SGCZ: variants seen among roughly 807,000 people sequenced by gnomAD.
SGCZ encodes zeta-sarcoglycan.
SGCZ carries 40 observed loss-of-function variants against 41.3 expected under a neutral mutation model. That is an observed-to-expected ratio of 0.97 (90% CI 0.75 to 1.26). SGCZ has a LOEUF of 1.26. Ranked by LOEUF, SGCZ falls within the 50% of genes most tolerant of loss-of-function variation. The pLI is 0.00. For synonymous variants in SGCZ, 206 were observed against 137.5 expected, an observed-to-expected ratio of 1.50 and a Z score of -3.49; for missense variants, 552 against 369.8, an observed-to-expected ratio of 1.49 and a Z score of -4.04.
chr8:15,206,641 G>T (rs1801076891), intron 1 of SGCZ, among the ~76,000 whole-genome samples: 1 of 151,976 alleles, frequency 6.6e-6, no homozygotes, highest in African/African-American at 2.4e-5. Context: ...TAGAGACGGT[G>T]TTTCACCATC....
intron 2 of SGCZ, among the ~76,000 whole-genome samples, chr8:14,354,579 C>A (rs1345574718): frequency 6.6e-6 from 1 of 151,430 alleles, no homozygotes; most frequent in East Asian, 1.9e-4. Flanking sequence ...AAGACATAAA[C>A]ATAATACAAG....
chr8:14,667,769 C>T (rs769690761), intron 1 of SGCZ, among the ~76,000 whole-genome samples: 4 of 151,552 alleles, frequency 2.6e-5, no homozygotes, highest in South Asian at 2.1e-4. Context: ...ACATGGTCTC[C>T]GTAATCAAAG....
chr8:14,994,389 G>A (rs943108249), intron 1 of SGCZ, among the ~76,000 whole-genome samples: 1 of 152,096 alleles, frequency 6.6e-6, no homozygotes, highest in African/African-American at 2.4e-5. Context: ...TTCGAAACCA[G>A]CCTGGACAAC....
chr8:14,791,933 G>A (rs539045494), intron 1 of SGCZ, among the ~76,000 whole-genome samples: 2 of 152,186 alleles, frequency 1.3e-5, no homozygotes, highest in Non-Finnish European at 2.9e-5. Context: ...GCAAAGCACA[G>A]CTTCAAGCTC....
chr8:14,767,178 T>C lies in SGCZ; in HGVS notation c.40-212252A>G, dbSNP rs142195600. 3.2e-4 allele frequency among the ~76,000 whole-genome samples: 49 copies of C among 152,280 alleles called. No individual in the cohort carries two copies. The East Asian group carries it at 8.5e-3, about 26-fold the overall frequency. The stretch of plus-strand genomic sequence containing the variant: ...ATGTGATGATGAGATGTGGCAGAAA[T>C]GACATGGCACAAGGTCTATCTCCTA... On this transcript the variant is annotated intron_variant, in intron 1 of 7. Transcript: ENST00000382080.
At chr8:14,939,518 GTTAAA>G (rs1199074036) in intron 1 of SGCZ, among the ~76,000 whole-genome samples, 4 of 152,046 alleles carry the variant, frequency 2.6e-5, no homozygotes, top group African/African-American at 9.7e-5. Context: ...TATGAGGATG[GTTAAA>G]TTAAACAAAA....
intron 2 of SGCZ, among the ~76,000 whole-genome samples, chr8:14,541,519 G>T (rs139134763): frequency 7.2e-5 from 11 of 151,864 alleles, no homozygotes; most frequent in African/African-American, 1.5e-4. Flanking sequence ...AATATGTGCC[G>T]CATTTTCTTT....
chr8:15,211,797 A>C (rs1801244620), intron 1 of SGCZ, among the ~76,000 whole-genome samples: 1 of 152,272 alleles, frequency 6.6e-6, no homozygotes, highest in Non-Finnish European at 1.5e-5. Context: ...ATCATAAAAC[A>C]GACTGATTTT....
intron 1 of SGCZ, among the ~76,000 whole-genome samples, chr8:14,757,489 C>T (rs1402905318): frequency 6.6e-6 from 1 of 152,148 alleles, no homozygotes; most frequent in Admixed American, 6.5e-5. Flanking sequence ...CTAACTATAC[C>T]TAAGAGTTCA....
intron 1 of SGCZ, among the ~76,000 whole-genome samples, chr8:14,958,486 C>G (rs1312291004): frequency 1.3e-5 from 2 of 151,924 alleles, no homozygotes; most frequent in African/African-American, 4.8e-5. Context: ...CGAAAGGTCA[C>G]ATCCTGAATG....
chr8:14,148,016 A>G (rs1803580319), intron 5 of SGCZ, among the ~76,000 whole-genome samples: 1 of 152,160 alleles, frequency 6.6e-6, no homozygotes, highest in South Asian at 2.1e-4. Flanking sequence ...ATGATAACCT[A>G]AACACAACAT....
chr8:14,147,373 A>T (rs559051276), intron 5 of SGCZ, among the ~76,000 whole-genome samples: 2 of 152,320 alleles, frequency 1.3e-5, no homozygotes, highest in South Asian at 4.1e-4. Context: ...ATGGAAAAAG[A>T]TATTCCATGC....
intron 2 of SGCZ, among the ~76,000 whole-genome samples, chr8:14,435,904 G>A (rs981094613): frequency 4.6e-5 from 7 of 152,184 alleles, no homozygotes; most frequent in Admixed American, 2.6e-4. Context: ...TTGGGAGCAT[G>A]TAGTACACTC....
chr8:14,926,468 T>A (rs1276519556), intron 1 of SGCZ, among the ~76,000 whole-genome samples: 1 of 151,832 alleles, frequency 6.6e-6, no homozygotes, highest in Non-Finnish European at 1.5e-5. Flanking sequence ...TGCACATTTA[T>A]CACGTAAGCA....
chr8:15,097,495 T>A (rs566131746), intron 1 of SGCZ, among the ~76,000 whole-genome samples: 1 of 151,990 alleles, frequency 6.6e-6, no homozygotes, highest in Admixed American at 6.6e-5. Flanking sequence ...AAGCCTGTTG[T>A]CCTAGCACTT....
chr8:15,097,802 A>ATATATATACGTG (rs1806411280), intron 1 of SGCZ, among the ~76,000 whole-genome samples: 1 of 101,808 alleles, frequency 9.8e-6, no homozygotes, highest in Non-Finnish European at 1.8e-5. Flanking sequence ...ATATACGTGT[A>ATATATATACGTG]TATATATATA....
At chr8:14,770,621 A>G (rs1034864573) in intron 1 of SGCZ, among the ~76,000 whole-genome samples, 1 of 152,090 alleles carries the variant, frequency 6.6e-6, no homozygotes, top group African/African-American at 2.4e-5. Flanking sequence ...GTAAGCACAG[A>G]TTTCACTTGT....
chr8:14,408,020 G>C (rs766817957), intron 2 of SGCZ, among the ~76,000 whole-genome samples: 3 of 152,120 alleles, frequency 2.0e-5, no homozygotes, highest in African/African-American at 7.2e-5. Context: ...TATAAATAAG[G>C]GGGAAGGAAA....
chr8:14,976,877 A>C (rs1483725149), intron 1 of SGCZ, among the ~76,000 whole-genome samples: 1 of 152,234 alleles, frequency 6.6e-6, no homozygotes, highest in Non-Finnish European at 1.5e-5. Context: ...TACCATATGT[A>C]GTGGCTTAAG....
Sources: gnomAD v4.1 joint callset for allele counts (sites outside exome capture counted in the v4.1 genomes callset) on GRCh38, gnomAD v4.1.1 for gene constraint, MANE v1.5 for transcripts, NCBI Gene and HGNC (gene_info 2026-07-23, HGNC 2026-07-21) for gene names.